GALNT2: variants seen among roughly 807,000 people sequenced by gnomAD.
The protein encoded by GALNT2 is UDP-GalNAc:polypeptide N-acetylgalactosaminyltransferase 2.
A neutral mutation model predicts 81.4 loss-of-function variants in GALNT2; 31 were observed. The observed-to-expected ratio is 0.38, with a 90% CI of 0.29 to 0.51. The LOEUF (loss-of-function observed/expected upper bound fraction) is 0.51, where lower values mean the gene tolerates loss of function less well. Ranked by LOEUF, GALNT2 falls within the 20% of genes least tolerant of loss-of-function variation. The pLI, the probability that GALNT2 is intolerant of heterozygous loss-of-function variation, is 0.87. For missense variants in GALNT2, 629 were observed against 765.7 expected (o/e 0.82, Z 2.11); for synonymous variants, 303 against 287.4 (o/e 1.05, Z -0.55).
intron 1 of GALNT2, among the ~76,000 whole-genome samples, chr1:230,167,192 C>T (rs575707891): frequency 8.0e-4 from 121 of 151,954 alleles, no homozygotes; most frequent in African/African-American, 2.6e-3. Flanking sequence ...GTTGCCCAGG[C>T]TGGAGTGCGA....
At chr1:230,267,979 G>A (rs1024033268) in intron 14 of GALNT2, among the ~76,000 whole-genome samples, 12 of 152,328 alleles carry the variant, frequency 7.9e-5, no homozygotes, top group African/African-American at 1.7e-4. Context: ...AGGCGTCTCC[G>A]CTGGCTGTGT....
At chr1:230,267,355 A>C (rs1044266220) in intron 14 of GALNT2, among the ~76,000 whole-genome samples, 7 of 152,246 alleles carry the variant, frequency 4.6e-5, no homozygotes, top group African/African-American at 1.7e-4. Context: ...GAAACAGAGG[A>C]GGCACCTGCT....
At chr1:230,157,977 A>G (rs901017929) in intron 1 of GALNT2, among the ~76,000 whole-genome samples, 2 of 152,196 alleles carry the variant, frequency 1.3e-5, no homozygotes, top group African/African-American at 4.8e-5. Context: ...TGTAAATTAT[A>G]CTTTTAATTT....
chr1:230,131,973 C>A (rs1169261908), intron 1 of GALNT2, among the ~76,000 whole-genome samples: 2 of 152,138 alleles, frequency 1.3e-5, no homozygotes, highest in Non-Finnish European at 2.9e-5. Context: ...AAGCAGCTGA[C>A]CAATCGTTAC....
intron 1 of GALNT2, among the ~76,000 whole-genome samples, chr1:230,113,296 C>A (rs1479052185): frequency 6.6e-6 from 1 of 152,068 alleles, no homozygotes; most frequent in African/African-American, 2.4e-5. Context: ...TTCTCTTCTT[C>A]CAGGGCTCAG....
chr1:230,076,034 C>T (rs1416496650), intron 1 of GALNT2, among the ~76,000 whole-genome samples: 2 of 152,064 alleles, frequency 1.3e-5, no homozygotes, highest in Non-Finnish European at 2.9e-5. Flanking sequence ...GGTGGAGTTT[C>T]CCTCCATGCT....
intron 13 of GALNT2, 71 bp downstream of exon 13, chr1:230,263,076 AG>A: frequency 7.7e-7 from 1 of 1,299,056 alleles, no homozygotes; most frequent in Non-Finnish European, 1.1e-6. Context: ...GAAGCAGCAG[AG>A]GGGAAATGGA....
chr1:230,102,930 C>T (rs936258565), intron 1 of GALNT2, among the ~76,000 whole-genome samples: 9 of 152,040 alleles, frequency 5.9e-5, no homozygotes, highest in Non-Finnish European at 2.9e-5. Context: ...GTAGCATGGA[C>T]GAGAGTGTTG....
At chr1:230,255,190 G>A (rs1558163717) in intron 10 of GALNT2, 28 bp from the exon 11 acceptor site, 3 of 1,614,168 alleles carry the variant, frequency 1.9e-6, no homozygotes, top group Non-Finnish European at 2.5e-6. Context: ...GGCTCTGTCA[G>A]TCACCTGTGT....
At chr1:230,149,470 G>A (rs1662027220) in intron 1 of GALNT2, among the ~76,000 whole-genome samples, 1 of 152,172 alleles carries the variant, frequency 6.6e-6, no homozygotes. Context: ...GTCTGGCGTT[G>A]AGGGCAGCAA....
At chr1:230,059,229 G>A (rs1658986496) in intron 1 of GALNT2, among the ~76,000 whole-genome samples, 1 of 152,224 alleles carries the variant, frequency 6.6e-6, no homozygotes, top group African/African-American at 2.4e-5. Context: ...CAGTGAATTG[G>A]CAGCAGAAAC....
chr1:230,085,680 G>C (rs16850876), intron 1 of GALNT2, among the ~76,000 whole-genome samples: 3,161 of 152,308 alleles, frequency 0.021, 109 homozygotes, highest in African/African-American at 0.072. Context: ...TGATTGTCTA[G>C]GTTGAAGTCC....
intron 1 of GALNT2, among the ~76,000 whole-genome samples, chr1:230,080,214 C>A (rs1347285906): frequency 1.3e-5 from 2 of 152,020 alleles, no homozygotes; most frequent in African/African-American, 4.8e-5. Flanking sequence ...TGCAAAGCGC[C>A]GACATCATTA....
At chr1:230,220,074 T>C (rs1664500682) in intron 3 of GALNT2, among the ~76,000 whole-genome samples, 1 of 152,250 alleles carries the variant, frequency 6.6e-6, no homozygotes, top group African/African-American at 2.4e-5. Context: ...TAATGACATA[T>C]ACACAATTTG....
chr1:230,143,061 A>G lies in GALNT2; in HGVS notation c.127-35157A>G, dbSNP rs1433795212. Among the ~76,000 whole-genome samples, 5 of 152,060 alleles carry G rather than the reference A, an allele frequency of 3.3e-5. No homozygotes were observed. In the East Asian group the frequency reaches 9.7e-4, roughly 29 times the overall value. ...GTGGGCTGGAGAGCTGCCCAAGTCC[A>G]TGTCTGAGCAGCTGGTGAAGAGAAT... On this transcript the variant is annotated intron_variant, in intron 1 of 15. Coordinates refer to ENST00000366672, the MANE Select transcript of GALNT2 (RefSeq NM_004481.5).
At chr1:230,242,120 G>A (rs1371701131) in intron 6 of GALNT2, among the ~76,000 whole-genome samples, 1 of 152,150 alleles carries the variant, frequency 6.6e-6, no homozygotes, top group Non-Finnish European at 1.5e-5. Context: ...CATTGCAGTG[G>A]ATTGGAGCGC....
chr1:230,262,718 G>A, intron 12 of GALNT2, 53 bp downstream of exon 12: 1 of 1,462,134 alleles, frequency 6.8e-7, no homozygotes, highest in South Asian at 1.1e-5. Context: ...GGGGTGTGGG[G>A]GTGGGAGGTA....
At chr1:230,090,736 A>G (rs1004061513) in intron 1 of GALNT2, among the ~76,000 whole-genome samples, 4 of 152,214 alleles carry the variant, frequency 2.6e-5, no homozygotes, top group South Asian at 4.1e-4. Context: ...GAAGCTTATT[A>G]TTTTCTTCAA....
At chr1:230,115,206 A>C (rs1054639286) in intron 1 of GALNT2, among the ~76,000 whole-genome samples, 5 of 152,010 alleles carry the variant, frequency 3.3e-5, no homozygotes, top group Admixed American at 6.6e-5. Flanking sequence ...GGGTTTTACT[A>C]TCTTGGCCAT....
Sources: allele counts gnomAD v4.1 joint callset (sites outside exome capture counted in the v4.1 genomes callset), GRCh38; gene constraint gnomAD v4.1.1; transcripts MANE v1.5; gene names NCBI Gene and HGNC (gene_info 2026-07-23, HGNC 2026-07-21).